The following CSMD1 variants were observed in gnomAD, a reference collection of about 807,000 sequenced individuals.
CSMD1 encodes CUB and Sushi multiple domains 1.
A neutral mutation model predicts 417.5 loss-of-function variants in CSMD1; 213 were observed. That is an observed-to-expected ratio of 0.51 (90% CI 0.46 to 0.57). The LOEUF is 0.57. CSMD1 is among the 20% of genes least tolerant of loss of function. The probability of loss-of-function intolerance (pLI) is 0.00; values close to 1 mark genes in which losing one functional copy is unlikely to be tolerated. For missense variants in CSMD1, 6,923 were observed against 4,529.7 expected, an observed-to-expected ratio of 1.53 and a Z score of -15.17; for synonymous variants, 2,862 against 1,736.8, an observed-to-expected ratio of 1.65 and a Z score of -16.11.
intron 3 of CSMD1, among the ~76,000 whole-genome samples, chr8:4,358,488 T>C (rs1437660657): frequency 6.6e-6 from 1 of 152,230 alleles, no homozygotes; most frequent in East Asian, 1.9e-4. Flanking sequence ...CCACAAGGTG[T>C]ATGTCTCCTT....
intron 3 of CSMD1, among the ~76,000 whole-genome samples, chr8:4,277,057 A>G (rs1415887856): frequency 6.6e-6 from 1 of 152,142 alleles, no homozygotes; most frequent in African/African-American, 2.4e-5. Flanking sequence ...CAGACTATCC[A>G]TTTTACAATG....
chr8:4,030,831 T>C (rs192776788), intron 4 of CSMD1, among the ~76,000 whole-genome samples: 12 of 152,356 alleles, frequency 7.9e-5, no homozygotes, highest in Admixed American at 7.2e-4. Flanking sequence ...AAGACACCTC[T>C]TGAATGCTTT....
chr8:4,454,200 C>A (rs940500731), intron 2 of CSMD1, among the ~76,000 whole-genome samples: 1 of 152,088 alleles, frequency 6.6e-6, no homozygotes, highest in Non-Finnish European at 1.5e-5. Context: ...TGCATTAAAA[C>A]TCCGTGTCTC....
chr8:3,997,615 T>A (rs978016947), intron 5 of CSMD1, among the ~76,000 whole-genome samples: 6 of 152,160 alleles, frequency 3.9e-5, no homozygotes, highest in African/African-American at 1.2e-4. Context: ...AACCCAAAAC[T>A]AACTCACCTT....
intron 7 of CSMD1, among the ~76,000 whole-genome samples, chr8:3,678,406 C>T (rs933928075): frequency 3.9e-5 from 6 of 152,054 alleles, no homozygotes; most frequent in South Asian, 4.1e-4. Flanking sequence ...GTTTGAACAG[C>T]CGATTCGATC....
Position 4,144,973 on chromosome 8 carries a change from T to C in CSMD1, c.416-112874A>G, listed in dbSNP as rs1804022802. ...TCTAACTTGAAAACAGAAGGGAGGA[T>C]AGCATTTGTTTCATAAAACGTTCTC... On this transcript the variant is annotated intron_variant, in intron 3 of 69. Coordinates refer to ENST00000635120, the MANE Select transcript of CSMD1 (RefSeq NM_033225.6). Among the ~76,000 whole-genome samples, 9 of 151,024 alleles carry C rather than the reference T, an allele frequency of 6.0e-5. No homozygotes were observed. The South Asian group carries it at 1.2e-3, about 21-fold the overall frequency.
intron 7 of CSMD1, among the ~76,000 whole-genome samples, chr8:3,649,656 G>C (rs1206608207): frequency 6.6e-6 from 1 of 152,142 alleles, no homozygotes; most frequent in Non-Finnish European, 1.5e-5. Context: ...CCACCCCCAT[G>C]ATTCCATTAC....
intron 5 of CSMD1, among the ~76,000 whole-genome samples, chr8:3,780,654 G>A (rs182177627): frequency 6.6e-6 from 1 of 152,206 alleles, no homozygotes; most frequent in Admixed American, 6.5e-5. Context: ...TTGTAATCAA[G>A]CCCCTCACCT....
At chr8:3,572,518 G>C (rs1158731007) in intron 10 of CSMD1, among the ~76,000 whole-genome samples, 1 of 152,154 alleles carries the variant, frequency 6.6e-6, no homozygotes, top group South Asian at 2.1e-4. Flanking sequence ...ATTTGTGATA[G>C]ATTCATGCAA....
chr8:3,759,034 CA>C (rs1161382114), intron 5 of CSMD1, among the ~76,000 whole-genome samples: 1 of 152,146 alleles, frequency 6.6e-6, no homozygotes, highest in African/African-American at 2.4e-5. Context: ...CGCCTTTTCC[CA>C]TAGAGTCTCC....
intron 1 of CSMD1, among the ~76,000 whole-genome samples, chr8:4,887,354 T>A (rs1371070747): frequency 6.6e-6 from 1 of 152,086 alleles, no homozygotes; most frequent in Non-Finnish European, 1.5e-5. Flanking sequence ...TCAATCCGTT[T>A]AAATGTATTA....
intron 3 of CSMD1, among the ~76,000 whole-genome samples, chr8:4,113,965 A>T (rs1372474853): frequency 6.6e-6 from 1 of 152,166 alleles, no homozygotes; most frequent in Non-Finnish European, 1.5e-5. Context: ...CATAATATAA[A>T]AGTTCCAGGT....
chr8:4,457,976 T>C (rs1272424653), intron 2 of CSMD1, among the ~76,000 whole-genome samples: 2 of 152,188 alleles, frequency 1.3e-5, no homozygotes, highest in Non-Finnish European at 2.9e-5. Context: ...ACTTCTTTGG[T>C]TGGTGGCACT....
intron 9 of CSMD1, among the ~76,000 whole-genome samples, chr8:3,585,918 C>G (rs1800579497): frequency 6.6e-6 from 1 of 152,108 alleles, no homozygotes; most frequent in African/African-American, 2.4e-5. Flanking sequence ...CACATCTATC[C>G]TCAAATGTAA....
chr8:4,080,909 G>A (rs975635786), intron 3 of CSMD1, among the ~76,000 whole-genome samples: 1 of 152,124 alleles, frequency 6.6e-6, no homozygotes, highest in Non-Finnish European at 1.5e-5. Flanking sequence ...AGTATTAAGA[G>A]GCAGGGCCTT....
chr8:4,801,857 C>T (rs1798303481), intron 1 of CSMD1, among the ~76,000 whole-genome samples: 1 of 152,166 alleles, frequency 6.6e-6, no homozygotes, highest in Non-Finnish European at 1.5e-5. Flanking sequence ...TTTCAGACTA[C>T]TGAGACTTGG....
chr8:4,541,640 C>A (rs1797392298), intron 2 of CSMD1, among the ~76,000 whole-genome samples: 1 of 152,056 alleles, frequency 6.6e-6, no homozygotes, highest in African/African-American at 2.4e-5. Flanking sequence ...CCCAACTACT[C>A]AGGAGGCTGA....
chr8:4,700,251 T>C (rs10108771), intron 1 of CSMD1, among the ~76,000 whole-genome samples: 93,587 of 151,948 alleles, frequency 0.62, 28,955 homozygotes, highest in Admixed American at 0.69. Flanking sequence ...CCTCTTGTTT[T>C]CTAGCAGGAA....
intron 1 of CSMD1, among the ~76,000 whole-genome samples, chr8:4,859,517 C>A (rs929069063): frequency 5.9e-5 from 9 of 152,132 alleles, no homozygotes; most frequent in Admixed American, 2.6e-4. Flanking sequence ...CTCATCTGAC[C>A]AAGGGCAATA....
Sources: gnomAD v4.1 joint callset for allele counts (sites outside exome capture counted in the v4.1 genomes callset) on GRCh38, gnomAD v4.1.1 for gene constraint, MANE v1.5 for transcripts, NCBI Gene and HGNC (gene_info 2026-07-23, HGNC 2026-07-21) for gene names.